The following NTN5 variants were observed in gnomAD, a reference collection of about 807,000 sequenced individuals.
NTN5 encodes the protein netrin 5.
In NTN5, 42 loss-of-function variants were observed where a neutral mutation model predicts 38.7. That is an observed-to-expected ratio of 1.08 (90% confidence interval 0.85 to 1.40). The LOEUF is 1.40. NTN5 is among the 40% of genes most tolerant of loss of function. The pLI is 0.00. For synonymous variants in NTN5, 329 were observed against 303.9 expected, an observed-to-expected ratio of 1.08 and a Z score of -0.86; for missense variants, 658 against 716.5, an observed-to-expected ratio of 0.92 and a Z score of 0.93.
intron 2 of NTN5, among the ~76,000 whole-genome samples, chr19:48,667,079 CAG>C (rs2031725110): frequency 6.6e-6 from 1 of 152,078 alleles, no homozygotes; most frequent in African/African-American, 2.4e-5. Flanking sequence ...TCTCCCTGTC[CAG>C]AGAGAATCCA....
chr19:48,670,438 G>A lies in NTN5; in HGVS notation c.549C>T (p.Gly183=). The A allele has an allele frequency of 1.4e-6, 2 of 1,466,990 alleles. No homozygotes were observed. Among genetic ancestry groups the A allele is most frequent in the East Asian group, 2.5e-5 (1 of 39,866 alleles). 90.9% of individuals were successfully genotyped at this position (1,466,990 alleles called of 1,614,324 possible). A position where few individuals can be genotyped will look rare whatever the true frequency, so the allele number is the denominator to read the frequency against. ...PRCHCRHHTT[G]PGCESCRPSH... ...ACGGGCGGCAGCTCTCGCACCCCGG[G>A]CCAGTGGTATGGTGGCGGCAGTGGC... Residue 183 remains glycine, a synonymous_variant, in exon 2 of 7, where the codon GGC becomes GGT. Coordinates refer to ENST00000270235, the MANE Select transcript of NTN5 (RefSeq NM_145807.4).
At chr19:48,672,184 C>T (rs1279809603) in intron 1 of NTN5, among the ~76,000 whole-genome samples, 1 of 152,162 alleles carries the variant, frequency 6.6e-6, no homozygotes, top group East Asian at 1.9e-4. Context: ...GGCAGGAAGG[C>T]AGGAGCTGGG....
rs762426162 is a variant in NTN5, at chr19:48,670,881, GCTGTGTCAC to G, written c.97_105del (p.Val33_Gln35del). 1 of 1,610,464 alleles carries G rather than the reference GCTGTGTCAC, an allele frequency of 6.2e-7. No individual in the cohort carries two copies. ...GGGCAGGAGGCCGCCACGGCAGCCA[GCTGTGTCAC>G]TGGCGGGAGGCAGAATTGGGGGCGG... On this transcript the variant is annotated inframe_deletion, in exon 2 of 7. Transcript: ENST00000270235.
At chr19:48,664,069 A>T in intron 4 of NTN5, 74 bp downstream of exon 4, 1 of 1,490,862 alleles carries the variant, frequency 6.7e-7, no homozygotes, top group South Asian at 1.3e-5. Flanking sequence ...CCCTCACTGC[A>T]GCTGTGCACT....
At chr19:48,663,571 G>A in intron 5 of NTN5, 28 bp from the exon 6 acceptor site, 1 of 1,605,068 alleles carries the variant, frequency 6.2e-7, no homozygotes, top group Non-Finnish European at 8.5e-7. Flanking sequence ...GTCTGCAGTG[G>A]GCTCCTGGGG....
In NTN5 at chr19:48,664,470, C is replaced by T. The variant is rs2031639153; in HGVS notation, c.820+109G>A. 5 of 1,338,532 alleles carry T rather than the reference C, an allele frequency of 3.7e-6. No homozygotes were observed. In the East Asian group the frequency reaches 1.3e-4, roughly 34 times the overall value. The allele number at this position is 1,338,532 out of a possible 1,614,324, so 82.9% of individuals were successfully genotyped here. On this transcript the variant is annotated intron_variant, in intron 3 of 6. Coordinates refer to ENST00000270235, the MANE Select transcript of NTN5 (RefSeq NM_145807.4). ...CAGGCCCAGAGTCCAGGCCCCCAGCCCCTCCTCCCTCAGATCCAGGAATCC... is the reference window on the plus strand; with the variant it reads ...CAGGCCCAGAGTCCAGGCCCCCAGCTCCTCCTCCCTCAGATCCAGGAATCC...
Position 48,661,714 on chromosome 19 carries a change from A to C in NTN5, c.1433T>G (p.Val478Gly). 1 of 1,557,024 alleles carries C rather than the reference A, an allele frequency of 6.4e-7. No individual in the cohort carries two copies. The highest frequency in any genetic ancestry group is 8.6e-7 in the Non-Finnish European group (1 of 1,161,158). ...QEERAGGCRG[V>G]RAPTPSPRPE... ...CCTGGGACTGGGTGTGGGTGCCCGC[A>C]CGCCGCGGCAGCCTCCGGCGCGCTC... Residue 478 changes from valine to glycine, a missense_variant, in exon 7 of 7, where the codon GTG (valine) becomes GGG (glycine). Val to Gly is a moderately radical substitution (Grantham distance 109, BLOSUM62 -3). Coordinates refer to ENST00000270235, the MANE Select transcript of NTN5 (RefSeq NM_145807.4).
chr19:48,670,574 A>T lies in NTN5; in HGVS notation c.413T>A (p.Leu138His), dbSNP rs921389130. The change falls in exon 2 of 7, where the codon CTC becomes CAC. Residue 138 changes from leucine (L) to histidine (H), a missense_variant. Leu to His is a moderately conservative substitution (Grantham distance 99, BLOSUM62 -3). Coordinates refer to ENST00000270235, the MANE Select transcript of NTN5 (RefSeq NM_145807.4). ...GGCCTGGCCCCCAAACTCCACACGG[A>T]GGTGGCTGGCCGCCACAGTGGCCTT... is the stretch of plus-strand genomic sequence containing the variant. ...GPKATVAASHLRVEFGGQAGL... is the reference protein window; with the variant it reads ...GPKATVAASHHRVEFGGQAGL... The T allele has an allele frequency of 6.4e-7, 1 of 1,563,952 alleles. No homozygotes were observed. The highest frequency in any genetic ancestry group is 1.4e-5 in the African/African-American group (1 of 73,696).
intron 2 of NTN5, 109 bp from the exon 3 acceptor site, chr19:48,664,876 A>T (rs539644626): frequency 1.1e-6 from 1 of 915,940 alleles, no homozygotes; most frequent in Admixed American, 3.9e-5. Flanking sequence ...TGAGTGTCCA[A>T]GGTAGAAGAG....
At chr19:48,669,621 T>C (rs1310921734) in intron 2 of NTN5, among the ~76,000 whole-genome samples, 4 of 564 alleles carry the variant, frequency 7.1e-3, no homozygotes, top group Admixed American at 0.022. Flanking sequence ...ATCACCACCA[T>C]CACCACCACC....
chr19:48,670,868 G>A lies in NTN5; in HGVS notation c.119C>T (p.Ala40Val), dbSNP rs1160393053. 13 of 1,611,032 alleles carry A rather than the reference G, an allele frequency of 8.1e-6. No individual in the cohort carries two copies. Among genetic ancestry groups the A allele is most frequent in the African/African-American group, 1.3e-5 (1 of 74,880 alleles). Residue 40 changes from alanine to valine, a missense_variant, in exon 2 of 7, where the codon GCG becomes GTG. Physicochemically the swap from Ala to Val is moderately conservative, Grantham distance 64. Coordinates refer to ENST00000270235, the MANE Select transcript of NTN5 (RefSeq NM_145807.4). The part of the protein sequence containing the change: ...LPPVTQLAAV[A>V]ASCPQACALS... The stretch of plus-strand genomic sequence containing the variant: ...GGCACAGGCCTGAGGGCAGGAGGCC[G>A]CCACGGCAGCCAGCTGTGTCACTGG...
In NTN5 at chr19:48,664,699, G is replaced by C. The variant is rs767288192; in HGVS notation, c.700C>G (p.Arg234Gly). Residue 234 changes from arginine (R) to glycine (G), a missense_variant, in exon 3 of 7, where the codon CGG becomes GGG. Coordinates refer to ENST00000270235, the MANE Select transcript of NTN5 (RefSeq NM_145807.4). ...NSELFRLSGG[R>G]SGGVCERCRH... ...CACCGCTCACAAACACCCCCACTCC[G>C]GCCGCCCGACAGTCTGAACAGCTCA... The C allele has an allele frequency of 1.9e-6, 3 of 1,605,846 alleles. No homozygotes were observed. Among genetic ancestry groups the C allele is most frequent in the Non-Finnish European group, 2.6e-6 (3 of 1,176,446 alleles).
chr19:48,664,816 C>G, intron 2 of NTN5, 49 bp from the exon 3 acceptor site: 18 of 1,440,568 alleles, frequency 1.2e-5, no homozygotes, highest in Non-Finnish European at 1.6e-5. Context: ...TGTGCTGCTC[C>G]CCAGTCCTCA....
chr19:48,663,786 G>A lies in NTN5; in HGVS notation c.999C>T (p.Ala333=). 1 of 1,614,128 alleles carries A rather than the reference G, an allele frequency of 6.2e-7. No individual in the cohort carries two copies. The highest frequency in any genetic ancestry group is 8.5e-7 in the Non-Finnish European group (1 of 1,179,988). Residue 333 remains alanine (A), a synonymous_variant, in exon 5 of 7, where the codon GCC becomes GCT. Transcript: ENST00000270235. ...CAGAGCTATAAGCACCAGGAGTAGT[G>A]GCAAGGGTGGTTGTTGCCTCTGGAA... ...QRIPEATTTL[A]TTPGAYSSDP...
rs998161267 is a variant in NTN5, at chr19:48,661,527, C to T, written c.*150G>A. ...TTGCCGCCTTTTGCTAAAAGTTCCG[C>T]ACGCCTGCTCGGCGTGGGCGCAAGC... On this transcript the variant is annotated 3_prime_UTR_variant, in exon 7 of 7. Transcript: ENST00000270235. 8.4e-5 allele frequency: 84 copies of T among 998,078 alleles called. 3 individuals are homozygous for T. In the South Asian group the frequency reaches 2.3e-3, roughly 27 times the overall value. 61.8% of individuals were successfully genotyped at this position (998,078 alleles called of 1,614,324 possible).
In NTN5 at chr19:48,670,908, G is replaced by C; in HGVS notation, c.79C>G (p.Gln27Glu). The C allele has an allele frequency of 6.2e-7, 1 of 1,605,064 alleles. No individual in the cohort carries two copies. The change falls in exon 2 of 7, where the codon CAA (glutamine) becomes GAA (glutamate). Residue 27 changes from glutamine (Q) to glutamate (E), a missense_variant. Coordinates refer to ENST00000270235, the MANE Select transcript of NTN5 (RefSeq NM_145807.4). ...DPCYDPQGRP[Q>E]FCLPPVTQLA... is the part of the protein sequence containing the mutation. ...TGTGTCACTGGCGGGAGGCAGAATT[G>C]GGGGCGGCCCTGTGGATCGTAGCAT...
intron 2 of NTN5, among the ~76,000 whole-genome samples, chr19:48,669,871 C>A (rs2031887837): frequency 8.4e-6 from 1 of 118,802 alleles, no homozygotes; most frequent in African/African-American, 3.1e-5. Flanking sequence ...CCATCACCAT[C>A]ATCACCACTA....
At chr19:48,663,364 T>C (rs2031600160) in intron 6 of NTN5, 99 bp downstream of exon 6, 1 of 1,048,856 alleles carries the variant, frequency 9.5e-7, no homozygotes, top group Non-Finnish European at 1.5e-6. Context: ...CTCCTTCCCA[T>C]TTAAGATGAG....
In NTN5 at chr19:48,662,027, C is replaced by T. The variant is rs1340258179; in HGVS notation, c.1120G>A (p.Val374Met). The change falls in exon 7 of 7, where the codon GTG becomes ATG. Residue 374 changes from valine to methionine, a missense_variant. Coordinates refer to ENST00000270235, the MANE Select transcript of NTN5 (RefSeq NM_145807.4). Reference protein sequence around the residue: ...CQQDHVLRAQVLASEAAGPAW... With the variant: ...CQQDHVLRAQMLASEAAGPAW... Reference sequence around the variant, plus strand: ...GGGCCCGCCGCCTCGGACGCTAGCACCTGCGCGCGGAGAACTGTGGGGAGG... The same window carrying T: ...GGGCCCGCCGCCTCGGACGCTAGCATCTGCGCGCGGAGAACTGTGGGGAGG... The T allele has an allele frequency of 2.0e-6, 3 of 1,482,166 alleles. No homozygotes were observed. Among genetic ancestry groups the T allele is most frequent in the East Asian group, 2.9e-5 (1 of 34,778 alleles). The allele number at this position is 1,482,166 out of a possible 1,614,324, so 91.8% of individuals were successfully genotyped here.
Sources: gnomAD v4.1 joint callset for allele counts (sites outside exome capture counted in the v4.1 genomes callset) on GRCh38, gnomAD v4.1.1 for gene constraint, MANE v1.5 for transcripts, NCBI Gene and HGNC (gene_info 2026-07-23, HGNC 2026-07-21) for gene names.